The following TRDN variants were observed in gnomAD, a reference collection of about 807,000 sequenced individuals.
TRDN encodes the protein triadin in skeletal muscle.
In TRDN, 161 loss-of-function variants were observed where a neutral mutation model predicts 149.7. The ratio of observed to expected loss-of-function variants is 1.08; its 90% CI spans 0.95 to 1.23. The LOEUF is 1.23. Among genes scored for constraint, TRDN ranks in the 50% most tolerant of loss-of-function variants. The pLI, the probability that TRDN is intolerant of heterozygous loss-of-function variation, is 0.00. For missense variants in TRDN, 896 were observed against 823.5 expected, an observed-to-expected ratio of 1.09 and a Z score of -1.08; for synonymous variants, 294 against 250.5, an observed-to-expected ratio of 1.17 and a Z score of -1.64.
chr6:123,549,688 G>A (rs529521249), intron 2 of TRDN, among the ~76,000 whole-genome samples: 1 of 152,138 alleles, frequency 6.6e-6, no homozygotes, highest in Admixed American at 6.6e-5. Flanking sequence ...GTTTGAAAGG[G>A]TGCCAGGCTG....
At chr6:123,473,064 C>A (rs1777268883) in intron 9 of TRDN, among the ~76,000 whole-genome samples, 2 of 152,222 alleles carry the variant, frequency 1.3e-5, no homozygotes, top group Non-Finnish European at 2.9e-5. Flanking sequence ...AACGCAGTTC[C>A]TCACCAGCAA....
intron 2 of TRDN, 64 bp from the exon 3 acceptor site, chr6:123,548,676 A>G (rs2114438039): frequency 8.0e-7 from 1 of 1,250,248 alleles, no homozygotes; most frequent in Non-Finnish European, 1.0e-6. Context: ...AACTTAAGAA[A>G]AGCTGTTTTT....
At chr6:123,221,022 A>C (rs1775126328) in intron 40 of TRDN, among the ~76,000 whole-genome samples, 1 of 151,816 alleles carries the variant, frequency 6.6e-6, no homozygotes, top group Admixed American at 6.6e-5. Flanking sequence ...CAAAGTTTGA[A>C]TATTTAGAAC....
At position 123,588,585 on chromosome 6, in the gene TRDN, G is replaced by A. The variant is rs533014399; in HGVS notation, c.23-17453C>T. The stretch of plus-strand genomic sequence containing the variant: ...GATCATCAATTTACAAATGTGTGAT[G>A]ATTTATGATCTCAGTCTGCTTGGGC... On this transcript the variant is annotated intron_variant, in intron 1 of 40. Coordinates refer to ENST00000334268, the MANE Select transcript of TRDN (RefSeq NM_006073.4). 4.5e-4 allele frequency among the ~76,000 whole-genome samples: 69 copies of A among 152,298 alleles called. 1 individual carries two copies. Among genetic ancestry groups the A allele is most frequent in the Admixed American group, 2.9e-3 (44 of 15,288 alleles).
rs141065782 is a variant in TRDN, at chr6:123,569,809, C to T, written c.232+1114G>A. On this transcript the variant is annotated intron_variant, in intron 2 of 40. Transcript: ENST00000334268. ...CAAGGGGACAGTGCCAAACCACTCA[C>T]TAAAAAATGCATCCCTGTGATCCAG... Among the ~76,000 whole-genome samples the T allele has an allele frequency of 2.7e-3, 407 of 152,234 alleles. 1 individual carries two copies. The highest frequency in any genetic ancestry group is 9.2e-3 in the African/African-American group (381 of 41,526).
chr6:123,563,062 A>C (rs1304387788), intron 2 of TRDN, among the ~76,000 whole-genome samples: 1 of 152,222 alleles, frequency 6.6e-6, no homozygotes, highest in Non-Finnish European at 1.5e-5. Flanking sequence ...TGTGGGACCT[A>C]ATGAAATTAA....
chr6:123,500,463 A>T (rs1479888691), intron 8 of TRDN, among the ~76,000 whole-genome samples: 1 of 152,186 alleles, frequency 6.6e-6, no homozygotes, highest in Admixed American at 6.6e-5. Context: ...TGTTCTAAAA[A>T]TGTTTCTTTA....
rs1424400155 is a variant in TRDN at position 123,259,731 on chromosome 6, T to C, written c.1832-69A>G. On this transcript the variant is annotated intron_variant, in intron 34 of 40. Transcript: ENST00000334268. ...ATGACTTTCTTACTCATTCTTGGAG[T>C]AAACAGTTGGAGATGAGACTTAATC... 4 of 1,156,900 alleles carry C rather than the reference T, an allele frequency of 3.5e-6. No individual in the cohort carries two copies. The South Asian group carries it at 4.4e-5, about 13-fold the overall frequency. The allele number at this position is 1,156,900 out of a possible 1,614,324, so 71.7% of individuals were successfully genotyped here. A position where few individuals can be genotyped will look rare whatever the true frequency, so the allele number is the denominator to read the frequency against.
intron 35 of TRDN, among the ~76,000 whole-genome samples, chr6:123,256,987 C>CT (rs34052517): frequency 1.6e-3 from 232 of 142,974 alleles, no homozygotes; most frequent in Non-Finnish European, 2.6e-3. Context: ...TCTTTTCTTT[C>CT]TTTTTTTTTT....
At chr6:123,502,610 G>C in intron 8 of TRDN, 1 of 984,628 alleles carries the variant, frequency 1.0e-6, no homozygotes, top group Non-Finnish European at 1.2e-6. Context: ...TACAGTACGA[G>C]TGCATTGCAA....
intron 24 of TRDN, among the ~76,000 whole-genome samples, chr6:123,289,074 T>A (rs1777906969): frequency 6.8e-6 from 1 of 147,150 alleles, no homozygotes; most frequent in East Asian, 2.0e-4. Flanking sequence ...AGTATGTATG[T>A]ATAGTGTATA....
chr6:123,273,070 C>A, intron 28 of TRDN, 59 bp from the exon 29 acceptor site: 1 of 1,140,198 alleles, frequency 8.8e-7, no homozygotes, highest in South Asian at 1.6e-5. Flanking sequence ...AAATAGCTAG[C>A]AGATTTTAGC....
chr6:123,315,516 G>C (rs547965370), intron 24 of TRDN, among the ~76,000 whole-genome samples: 1 of 151,820 alleles, frequency 6.6e-6, no homozygotes, highest in Non-Finnish European at 1.5e-5. Context: ...ACATAGAAGG[G>C]TGATTTGTAA....
intron 21 of TRDN, chr6:123,350,448 A>G (rs6569338): frequency 0.91 from 509,143 of 556,994 alleles, 232,770 homozygotes; most frequent in East Asian, 0.99. Context: ...ATTTAAAGAG[A>G]ATTTAACTAT....
chr6:123,256,961 T>G (rs1045730330), intron 35 of TRDN, among the ~76,000 whole-genome samples: 1 of 144,762 alleles, frequency 6.9e-6, no homozygotes, highest in African/African-American at 2.6e-5. Context: ...GGTCTCACAT[T>G]TAAATCTTTT....
chr6:123,334,666 C>T (rs1257121698), intron 22 of TRDN, among the ~76,000 whole-genome samples: 1 of 151,988 alleles, frequency 6.6e-6, no homozygotes, highest in Non-Finnish European at 1.5e-5. Flanking sequence ...AATAACTGAA[C>T]CAGCAACAAA....
chr6:123,484,729 C>G (rs78880729), intron 9 of TRDN, among the ~76,000 whole-genome samples: 1 of 152,178 alleles, frequency 6.6e-6, no homozygotes, highest in East Asian at 1.9e-4. Context: ...GATATACCTA[C>G]AGAACCTGCC....
intron 24 of TRDN, among the ~76,000 whole-genome samples, chr6:123,282,533 A>T (rs1358229622): frequency 2.0e-5 from 3 of 151,922 alleles, no homozygotes; most frequent in Admixed American, 6.6e-5. Context: ...AAACTGTATA[A>T]CTACATCTAC....
At position 123,595,186 on chromosome 6, in the gene TRDN, C is replaced by T. The variant is rs144270707; in HGVS notation, c.23-24054G>A. 2.4e-3 allele frequency among the ~76,000 whole-genome samples: 362 copies of T among 152,194 alleles called. 2 individuals are homozygous for T. Among genetic ancestry groups the T allele is most frequent in the African/African-American group, 8.3e-3 (346 of 41,546 alleles). Reference sequence around the variant, plus strand: ...ACATCTAAGTCTTAATTATGTAAAGCAGAACATTTTAATGAAATCACTTAT... The same window carrying T: ...ACATCTAAGTCTTAATTATGTAAAGTAGAACATTTTAATGAAATCACTTAT... On this transcript the variant is annotated intron_variant, in intron 1 of 40. Coordinates refer to ENST00000334268, the MANE Select transcript of TRDN (RefSeq NM_006073.4).
Sources: gnomAD v4.1 joint callset for allele counts (sites outside exome capture counted in the v4.1 genomes callset) on GRCh38, gnomAD v4.1.1 for gene constraint, MANE v1.5 for transcripts, NCBI Gene and HGNC (gene_info 2026-07-23, HGNC 2026-07-21) for gene names.